TMEM178B: variants seen among roughly 807,000 people sequenced by gnomAD.
The protein encoded by TMEM178B is transmembrane protein 178B.
Under a neutral mutation model 31.0 loss-of-function variants are expected in TMEM178B, and 5 were observed. That is an observed-to-expected ratio of 0.16 (90% CI 0.08 to 0.34). The LOEUF (loss-of-function observed/expected upper bound fraction) is 0.34. Ranked by LOEUF, TMEM178B falls within the 10% of genes least tolerant of loss-of-function variation. The pLI, the probability that TMEM178B is intolerant of heterozygous loss-of-function variation, is 1.00. For synonymous variants in TMEM178B, 164 were observed against 164.0 expected (o/e 1.00, Z 0.00); for missense variants, 275 against 400.3 (o/e 0.69, Z 2.67).
intron 2 of TMEM178B, among the ~76,000 whole-genome samples, chr7:141,432,864 T>C (rs1255771694): frequency 6.6e-6 from 1 of 152,258 alleles, no homozygotes; most frequent in African/African-American, 2.4e-5. Context: ...TGGGGCTTCA[T>C]TGTAGAGGGG....
chr7:141,314,294 A>G (rs143612041), intron 2 of TMEM178B, among the ~76,000 whole-genome samples: 252 of 152,180 alleles, frequency 1.7e-3, no homozygotes, highest in Middle Eastern at 6.8e-3. Context: ...ACCATGGAAT[A>G]TTTTTCTCCT....
intron 2 of TMEM178B, among the ~76,000 whole-genome samples, chr7:141,328,285 A>G (rs1799233680): frequency 6.6e-6 from 1 of 152,170 alleles, no homozygotes; most frequent in Non-Finnish European, 1.5e-5. Flanking sequence ...GGTATGTTCT[A>G]TCCAATACCT....
At chr7:141,350,004 C>A (rs925190630) in intron 2 of TMEM178B, among the ~76,000 whole-genome samples, 2 of 151,592 alleles carry the variant, frequency 1.3e-5, no homozygotes, top group African/African-American at 4.8e-5. Flanking sequence ...TCCATGCATG[C>A]ATCCATCCAT....
chr7:141,370,636 A>G (rs1202582305), intron 2 of TMEM178B, among the ~76,000 whole-genome samples: 1 of 152,230 alleles, frequency 6.6e-6, no homozygotes, highest in Non-Finnish European at 1.5e-5. Flanking sequence ...TTGGAGGAAG[A>G]AAGAGATTTG....
intron 1 of TMEM178B, among the ~76,000 whole-genome samples, chr7:141,097,669 C>G (rs1422234164): frequency 6.6e-6 from 1 of 152,068 alleles, no homozygotes; most frequent in Non-Finnish European, 1.5e-5. Context: ...AATTTGCAAA[C>G]TTTCCCAAAC....
intron 2 of TMEM178B, 43 bp downstream of exon 2, chr7:141,212,747 G>T: frequency 4.8e-6 from 7 of 1,464,418 alleles, no homozygotes; most frequent in Non-Finnish European, 6.5e-6. Context: ...GTGCTGTGAG[G>T]TCCCCTTTGG....
chr7:141,287,879 T>C (rs934687658), intron 2 of TMEM178B, among the ~76,000 whole-genome samples: 6 of 152,238 alleles, frequency 3.9e-5, no homozygotes, highest in African/African-American at 1.4e-4. Flanking sequence ...ATCATTTTCC[T>C]AAGGAAAGGC....
At chr7:141,118,864 G>A (rs1475174565) in intron 1 of TMEM178B, among the ~76,000 whole-genome samples, 1 of 152,120 alleles carries the variant, frequency 6.6e-6, no homozygotes, top group African/African-American at 2.4e-5. Context: ...AAGCCACTTC[G>A]GAAAATCTTA....
chr7:141,297,368 T>G (rs1298526089), intron 2 of TMEM178B, among the ~76,000 whole-genome samples: 4 of 152,182 alleles, frequency 2.6e-5, no homozygotes, highest in Non-Finnish European at 4.4e-5. Flanking sequence ...ATTATTATTT[T>G]TATTATACTT....
chr7:141,098,126 G>A (rs1294648554), intron 1 of TMEM178B, among the ~76,000 whole-genome samples: 1 of 152,066 alleles, frequency 6.6e-6, no homozygotes, highest in Non-Finnish European at 1.5e-5. Context: ...ATTACCAAAA[G>A]TCCACCATTC....
At chr7:141,338,390 G>A (rs1799461380) in intron 2 of TMEM178B, among the ~76,000 whole-genome samples, 1 of 152,102 alleles carries the variant, frequency 6.6e-6, no homozygotes. Flanking sequence ...AATCAAAGCA[G>A]CATATAAAAG....
At position 141,120,304 on chromosome 7, in the gene TMEM178B, A is replaced by G. The variant is rs551413457; in HGVS notation, c.382+45612A>G. Among the ~76,000 whole-genome samples the G allele has an allele frequency of 4.6e-5, 7 of 152,344 alleles. No homozygotes were observed. In the South Asian group the frequency reaches 1.4e-3, roughly 32 times the overall value. The stretch of plus-strand genomic sequence containing the variant: ...TTGTGAGAAAATATATCTGTTTGTG[A>G]ATGGATAGCATTCATATCCATGTTA... On this transcript the variant is annotated intron_variant, in intron 1 of 3. Coordinates refer to ENST00000565468, the MANE Select transcript of TMEM178B (RefSeq NM_001195278.2).
At chr7:141,467,853 G>A (rs1488412965) in intron 3 of TMEM178B, among the ~76,000 whole-genome samples, 2 of 151,608 alleles carry the variant, frequency 1.3e-5, no homozygotes, top group African/African-American at 4.8e-5. Context: ...TTACTAGGAC[G>A]AAGGTATGAG....
intron 2 of TMEM178B, among the ~76,000 whole-genome samples, chr7:141,299,509 G>C (rs1798688868): frequency 1.3e-5 from 2 of 152,154 alleles, no homozygotes; most frequent in African/African-American, 4.8e-5. Flanking sequence ...TTCCCTCAGG[G>C]CCTCCCTTCT....
the TMEM178B span, among the ~76,000 whole-genome samples, chr7:141,508,670 ATGG>A: frequency 3.3e-3 from 504 of 152,324 alleles, 1 homozygote; most frequent in African/African-American, 9.2e-3. Context: ...CACTTCTTAC[ATGG>A]TGGCAGCAAG....
In TMEM178B at chr7:141,205,707, TG is replaced by T. The variant is rs1796951754; in HGVS notation, c.383-6883del. 2.0e-5 allele frequency among the ~76,000 whole-genome samples: 3 copies of T among 152,240 alleles called. No homozygotes were observed. The South Asian group carries it at 6.2e-4, about 32-fold the overall frequency. On this transcript the variant is annotated intron_variant, in intron 1 of 3. Coordinates refer to ENST00000565468, the MANE Select transcript of TMEM178B (RefSeq NM_001195278.2). ...ATGGGCTGAACTTAGGTCCCAGCAC[TG>T]CCTCTAAAACCACTCTGCCTAGAAG...
intron 3 of TMEM178B, among the ~76,000 whole-genome samples, chr7:141,452,152 A>G (rs1028197233): frequency 1.3e-5 from 2 of 152,166 alleles, no homozygotes; most frequent in African/African-American, 4.8e-5. Context: ...CACAGTGATG[A>G]TTATCTCTGC....
chr7:141,385,932 G>A (rs376536685), intron 2 of TMEM178B, among the ~76,000 whole-genome samples: 9 of 152,366 alleles, frequency 5.9e-5, no homozygotes, highest in African/African-American at 2.2e-4. Context: ...TTGTGTTGCA[G>A]AGAGATTGGA....
At chr7:141,412,958 A>G (rs560019149) in intron 2 of TMEM178B, among the ~76,000 whole-genome samples, 1 of 152,356 alleles carries the variant, frequency 6.6e-6, no homozygotes, top group East Asian at 1.9e-4. Context: ...GCATCACTGT[A>G]ATTGGTGAAG....
Sources: allele counts gnomAD v4.1 joint callset (sites outside exome capture counted in the v4.1 genomes callset), GRCh38; gene constraint gnomAD v4.1.1; transcripts MANE v1.5; gene names NCBI Gene and HGNC (gene_info 2026-07-23, HGNC 2026-07-21).